PAPSS2: variants seen among roughly 807,000 people sequenced by gnomAD.
PAPSS2 encodes 3'-phosphoadenosine 5'-phosphosulfate synthase 2.
PAPSS2 carries 61 observed loss-of-function variants against 66.5 expected under a neutral mutation model. The ratio of observed to expected loss-of-function variants is 0.92; its 90% CI spans 0.75 to 1.14. The LOEUF (loss-of-function observed/expected upper bound fraction) is 1.14, where lower values mean the gene tolerates loss of function less well. Among genes scored for constraint, PAPSS2 ranks in the 50% most tolerant of loss-of-function variants. The pLI is 0.00. For missense variants in PAPSS2, 708 were observed against 789.6 expected, an observed-to-expected ratio of 0.90 and a Z score of 1.24; for synonymous variants, 289 against 287.5, an observed-to-expected ratio of 1.01 and a Z score of -0.05.
In PAPSS2 at chr10:87,745,238, T is replaced by G; in HGVS notation, c.1721+7T>G. On this transcript the variant is annotated splice_region_variant and intron_variant, in intron 12 of 12. Coordinates refer to ENST00000456849, the MANE Select transcript of PAPSS2 (RefSeq NM_001015880.2). ...ACTTCTATGATCCAGCAAGGTAGGT[T>G]TTCAGAGGAAAATTCTTTTATCAAC... 1 of 1,599,338 alleles carries G rather than the reference T, an allele frequency of 6.3e-7. No homozygotes were observed. The highest frequency in any genetic ancestry group is 8.5e-7 in the Non-Finnish European group (1 of 1,171,646).
intron 7 of PAPSS2, among the ~76,000 whole-genome samples, chr10:87,719,145 T>G (rs12763856): frequency 2.0e-5 from 3 of 152,214 alleles, no homozygotes; most frequent in African/African-American, 7.2e-5. Flanking sequence ...AAATAGATAA[T>G]CAGGGATATG....
chr10:87,732,882 C>T (rs1853746925), intron 9 of PAPSS2, among the ~76,000 whole-genome samples: 1 of 152,092 alleles, frequency 6.6e-6, no homozygotes, highest in Non-Finnish European at 1.5e-5. Context: ...TAAACATTCC[C>T]AGGGAGCTAA....
intron 11 of PAPSS2, among the ~76,000 whole-genome samples, chr10:87,743,904 G>A (rs1437541936): frequency 6.6e-6 from 1 of 151,626 alleles, no homozygotes; most frequent in Non-Finnish European, 1.5e-5. Context: ...GGAGTTCGAG[G>A]CCACCTGACC....
At chr10:87,738,296 T>C (rs1463692520) in intron 9 of PAPSS2, among the ~76,000 whole-genome samples, 2 of 152,232 alleles carry the variant, frequency 1.3e-5, no homozygotes, top group African/African-American at 4.8e-5. Context: ...ACCTCCATAC[T>C]GTTTTCCATA....
chr10:87,671,149 A>C (rs1298750909), intron 1 of PAPSS2, among the ~76,000 whole-genome samples: 1 of 152,192 alleles, frequency 6.6e-6, no homozygotes, highest in African/African-American at 2.4e-5. Context: ...GCAGAGCTGG[A>C]ACACAAGTGC....
chr10:87,677,458 A>G (rs1852963590), intron 1 of PAPSS2, among the ~76,000 whole-genome samples: 1 of 152,258 alleles, frequency 6.6e-6, no homozygotes, highest in South Asian at 2.1e-4. Flanking sequence ...CTCCTATGCA[A>G]CTATCAGAAT....
intron 6 of PAPSS2, 136 bp from the exon 7 acceptor site, chr10:87,715,596 A>C: frequency 2.8e-6 from 2 of 707,712 alleles, no homozygotes; most frequent in South Asian, 3.0e-5. Context: ...GGTTAGCATA[A>C]CAGGTGGGGA....
chr10:87,689,814 A>T (rs937478496), intron 1 of PAPSS2, among the ~76,000 whole-genome samples: 3 of 152,220 alleles, frequency 2.0e-5, no homozygotes, highest in Non-Finnish European at 4.4e-5. Context: ...AAAGGAAAAA[A>T]TACAAACAGT....
At chr10:87,662,464 T>G (rs1852764036) in intron 1 of PAPSS2, among the ~76,000 whole-genome samples, 1 of 152,198 alleles carries the variant, frequency 6.6e-6, no homozygotes, top group South Asian at 2.1e-4. Flanking sequence ...GTTTTATGCA[T>G]CTTTACCATG....
rs139379412 is a variant in PAPSS2, at chr10:87,661,738, T to C, written c.27+1730T>C. ...ATTTGAGGGCCGGAGGGTTTGGTTT[T>C]TGTATTTACACATTCTGAACCTTCT... On this transcript the variant is annotated intron_variant, in intron 1 of 12. Coordinates refer to ENST00000456849, the MANE Select transcript of PAPSS2 (RefSeq NM_001015880.2). Among the ~76,000 whole-genome samples the C allele has an allele frequency of 4.7e-3, 710 of 152,332 alleles. 7 individuals are homozygous for C. Among genetic ancestry groups the C allele is most frequent in the African/African-American group, 0.016 (665 of 41,572 alleles).
At chr10:87,711,376 A>T (rs1347041510) in intron 2 of PAPSS2, among the ~76,000 whole-genome samples, 1 of 152,236 alleles carries the variant, frequency 6.6e-6, no homozygotes, top group Non-Finnish European at 1.5e-5. Flanking sequence ...GTGTGCCAAC[A>T]ATCTGGTTAC....
intron 9 of PAPSS2, among the ~76,000 whole-genome samples, chr10:87,737,754 T>C (rs899322313): frequency 3.9e-5 from 6 of 151,960 alleles, no homozygotes; most frequent in African/African-American, 1.5e-4. Context: ...GCCCCGGAGG[T>C]AGAGGCTGCA....
intron 2 of PAPSS2, among the ~76,000 whole-genome samples, chr10:87,712,486 C>G (rs1853474399): frequency 6.6e-6 from 1 of 152,204 alleles, no homozygotes; most frequent in Non-Finnish European, 1.5e-5. Context: ...AGGCCTCGCT[C>G]TGTTACACAG....
intron 1 of PAPSS2, chr10:87,703,630 A>G (rs1293478832): frequency 2.2e-6 from 1 of 457,336 alleles, no homozygotes; most frequent in Admixed American, 2.4e-5. Flanking sequence ...AGATGTTAAT[A>G]ACTTGCTCCA....
intron 1 of PAPSS2, among the ~76,000 whole-genome samples, chr10:87,687,527 A>C (rs1853103290): frequency 6.6e-6 from 1 of 152,212 alleles, no homozygotes; most frequent in Non-Finnish European, 1.5e-5. Flanking sequence ...TCTAAAGATG[A>C]CCGCATAGAA....
intron 9 of PAPSS2, among the ~76,000 whole-genome samples, chr10:87,739,517 C>G (rs1204398757): frequency 1.3e-5 from 2 of 152,278 alleles, no homozygotes; most frequent in Non-Finnish European, 2.9e-5. Flanking sequence ...CCCAGGGTCT[C>G]TAATTTAGGT....
chr10:87,691,654 C>T (rs916355792), intron 1 of PAPSS2, among the ~76,000 whole-genome samples: 80 of 152,120 alleles, frequency 5.3e-4, no homozygotes, highest in African/African-American at 1.9e-3. Context: ...TCAGTAGAAA[C>T]AGGATACTGT....
intron 1 of PAPSS2, among the ~76,000 whole-genome samples, chr10:87,678,510 C>A (rs1339631011): frequency 6.6e-6 from 1 of 152,026 alleles, no homozygotes; most frequent in East Asian, 1.9e-4. Flanking sequence ...GAAGAGGCAA[C>A]CTGTTGAATG....
chr10:87,677,398 C>T (rs1251903177), intron 1 of PAPSS2, among the ~76,000 whole-genome samples: 1 of 152,080 alleles, frequency 6.6e-6, no homozygotes, highest in Non-Finnish European at 1.5e-5. Context: ...ATATATGCCC[C>T]TATGTATTGA....
Sources: allele counts gnomAD v4.1 joint callset (sites outside exome capture counted in the v4.1 genomes callset), GRCh38; gene constraint gnomAD v4.1.1; transcripts MANE v1.5; gene names NCBI Gene and HGNC (gene_info 2026-07-23, HGNC 2026-07-21).